The following CYP2C8 variants were observed in gnomAD, a reference collection of about 807,000 sequenced individuals.
The protein encoded by CYP2C8 is cytochrome P450 2C8.
Under a neutral mutation model 41.3 loss-of-function variants are expected in CYP2C8, and 51 were observed. The observed-to-expected ratio is 1.24, with a 90% CI of 0.99 to 1.56. The LOEUF is 1.56. Ranked by LOEUF, CYP2C8 falls within the 40% of genes most tolerant of loss-of-function variation. CYP2C8 has a pLI of 0.00. For missense variants in CYP2C8, 651 were observed against 579.9 expected, an observed-to-expected ratio of 1.12 and a Z score of -1.26; for synonymous variants, 218 against 205.8, an observed-to-expected ratio of 1.06 and a Z score of -0.51.
At chr10:95,065,492 C>T (rs2033542753) in intron 3 of CYP2C8, among the ~76,000 whole-genome samples, 1 of 152,070 alleles carries the variant, frequency 6.6e-6, no homozygotes, top group African/African-American at 2.4e-5. Flanking sequence ...AGAAGAAAAA[C>T]TAATATAAAT....
rs768515016 is a variant in CYP2C8, at chr10:95,058,386, A to G, written c.768T>C (p.Asp256=). Residue 256 remains aspartate (D), a synonymous_variant, in exon 5 of 9, where the codon GAT becomes GAC. Coordinates refer to ENST00000371270, the MANE Select transcript of CYP2C8 (RefSeq NM_000770.3). Reference sequence around the variant, plus strand: ...CGATAAAGTCCCGAGGATTGTTAACATCCAGTGATGCTTGGTGTTCTTTTA... The same window carrying G: ...CGATAAAGTCCCGAGGATTGTTAACGTCCAGTGATGCTTGGTGTTCTTTTA... ...EKVKEHQASL[D]VNNPRDFIDC... The G allele has an allele frequency of 6.2e-7, 1 of 1,613,556 alleles. No homozygotes were observed. The highest frequency in any genetic ancestry group is 1.1e-5 in the South Asian group (1 of 91,074).
chr10:95,055,724 A>G (rs2033303090), intron 5 of CYP2C8, among the ~76,000 whole-genome samples: 1 of 152,210 alleles, frequency 6.6e-6, no homozygotes, highest in South Asian at 2.1e-4. Context: ...CGTATTTAGT[A>G]AGGGTTTAAT....
Position 95,038,926 on chromosome 10 carries a change from T to G in CYP2C8, c.1262A>C (p.Lys421Thr). The G allele has an allele frequency of 6.2e-7, 1 of 1,614,024 alleles. No individual in the cohort carries two copies. Among genetic ancestry groups the G allele is most frequent in the Non-Finnish European group, 8.5e-7 (1 of 1,179,860 alleles). ...HFLDKNGNFK[K>T]SDYFMPFSAG... ...TGAGAAAGGCATGAAGTAGTCACTT[T>G]TCTTAAAGTTGCCATTCTTATCTAG... Residue 421 changes from lysine (K) to threonine (T), a missense_variant, in exon 8 of 9, where the codon AAA becomes ACA. Transcript: ENST00000371270.
At chr10:95,052,507 G>A (rs775393456) in intron 5 of CYP2C8, among the ~76,000 whole-genome samples, 24 of 151,518 alleles carry the variant, frequency 1.6e-4, no homozygotes, top group Non-Finnish European at 2.7e-4. Flanking sequence ...AAAAGTTATA[G>A]GCCAATGTCT....
At chr10:95,049,296 A>T (rs1295046376) in intron 5 of CYP2C8, among the ~76,000 whole-genome samples, 1 of 152,188 alleles carries the variant, frequency 6.6e-6, no homozygotes, top group Non-Finnish European at 1.5e-5. Context: ...CCTTCATAAG[A>T]ACCAAAATCA....
intron 5 of CYP2C8, among the ~76,000 whole-genome samples, chr10:95,052,110 T>C (rs2033224205): frequency 6.6e-6 from 1 of 151,968 alleles, no homozygotes; most frequent in African/African-American, 2.4e-5. Flanking sequence ...AAGTCAGAGA[T>C]GAAAAAGAAG....
intron 5 of CYP2C8, among the ~76,000 whole-genome samples, chr10:95,057,161 G>A (rs973575602): frequency 3.3e-5 from 5 of 152,048 alleles, no homozygotes; most frequent in Non-Finnish European, 4.4e-5. Flanking sequence ...AAATTGACAC[G>A]GCATACTGGT....
chr10:95,063,230 G>C (rs1193987949), intron 4 of CYP2C8, among the ~76,000 whole-genome samples: 1 of 152,216 alleles, frequency 6.6e-6, no homozygotes, highest in Non-Finnish European at 1.5e-5. Flanking sequence ...ACCCTGCAGA[G>C]TGTTTTCCAA....
chr10:95,037,580 A>T (rs967556978), intron 8 of CYP2C8, among the ~76,000 whole-genome samples: 1 of 152,232 alleles, frequency 6.6e-6, no homozygotes, highest in African/African-American at 2.4e-5. Flanking sequence ...TTCATTGATT[A>T]TCAGCTCCAT....
At chr10:95,038,820 G>A (rs1310006800) in intron 8 of CYP2C8, 77 bp downstream of exon 8, 2 of 1,358,404 alleles carry the variant, frequency 1.5e-6, no homozygotes, top group African/African-American at 2.9e-5. Flanking sequence ...CCCCAGAGGA[G>A]GTGCCATGTA....
chr10:95,053,388 C>T (rs190270363), intron 5 of CYP2C8, among the ~76,000 whole-genome samples: 62 of 152,208 alleles, frequency 4.1e-4, no homozygotes, highest in Admixed American at 7.9e-4. Context: ...ACCAGAAATA[C>T]CATTTGACCC....
At chr10:95,068,421 T>G in intron 1 of CYP2C8, 2 of 392,994 alleles carry the variant, frequency 5.1e-6, no homozygotes, top group South Asian at 4.2e-5. Context: ...GGGCCCTGAC[T>G]GATTACTTCT....
chr10:95,064,986 A>C (rs776492781), intron 3 of CYP2C8, 26 bp from the exon 4 acceptor site: 2 of 1,408,824 alleles, frequency 1.4e-6, no homozygotes, highest in Non-Finnish European at 1.9e-6. Flanking sequence ...TTTTTAAAAA[A>C]ATTATTAAAA....
chr10:95,068,202 C>G (rs142272007), intron 1 of CYP2C8, among the ~76,000 whole-genome samples: 1 of 152,342 alleles, frequency 6.6e-6, no homozygotes, highest in African/African-American at 2.4e-5. Context: ...CCCTAGAAAT[C>G]TGTATTTACA....
chr10:95,064,887 T>C lies in CYP2C8; in HGVS notation c.555A>G (p.Lys185=). Residue 185 remains lysine (K), a synonymous_variant, in exon 4 of 9, where the codon AAA becomes AAG. Coordinates refer to ENST00000371270, the MANE Select transcript of CYP2C8 (RefSeq NM_000770.3). Reference sequence around the variant, plus strand: ...AATTCTGATCTTTATAATCAAATCGTTTCTGGAAAACAACGGAGCAGATCA... The same window carrying C: ...AATTCTGATCTTTATAATCAAATCGCTTCTGGAAAACAACGGAGCAGATCA... ...CNVICSVVFQ[K]RFDYKDQNFL... is the part of the protein sequence containing the mutation. The C allele has an allele frequency of 6.2e-7, 1 of 1,613,826 alleles. No individual in the cohort carries two copies. Among genetic ancestry groups the C allele is most frequent in the South Asian group, 1.1e-5 (1 of 91,062 alleles).
At chr10:95,068,180 TC>T (rs2033610000) in intron 1 of CYP2C8, among the ~76,000 whole-genome samples, 1 of 152,220 alleles carries the variant, frequency 6.6e-6, no homozygotes, top group Non-Finnish European at 1.5e-5. Flanking sequence ...GATACAGCAG[TC>T]CTGTGATGAA....
chr10:95,044,751 G>T lies in CYP2C8; in HGVS notation c.961+1059C>A, dbSNP rs757390478. Among the ~76,000 whole-genome samples the T allele has an allele frequency of 3.3e-5, 5 of 152,246 alleles. No homozygotes were observed. In the South Asian group the frequency reaches 8.3e-4, roughly 25 times the overall value. Reference sequence around the variant, plus strand: ...GGAAAAAATCAGGTACCTGATAAAAGGAGTTATGGAGGAAACTTGGGCAGG... The same window carrying T: ...GGAAAAAATCAGGTACCTGATAAAATGAGTTATGGAGGAAACTTGGGCAGG... On this transcript the variant is annotated intron_variant, in intron 6 of 8. Transcript: ENST00000371270.
chr10:95,039,870 G>A (rs952776193), intron 7 of CYP2C8, among the ~76,000 whole-genome samples: 2 of 152,186 alleles, frequency 1.3e-5, no homozygotes, highest in Non-Finnish European at 2.9e-5. Flanking sequence ...GATATTTAAA[G>A]CACCTATGTA....
At position 95,065,265 on chromosome 10, in the gene CYP2C8, C is replaced by T. The variant is rs2033537139; in HGVS notation, c.482-305G>A. Among the ~76,000 whole-genome samples, 6 of 152,112 alleles carry T rather than the reference C, an allele frequency of 3.9e-5. No individual in the cohort carries two copies. The South Asian group carries it at 1.2e-3, about 31-fold the overall frequency. ...AGGAAAAAGAAGACTTTTTTGAAAT[C>T]CTAATAATTCAAGTTTTTAGAGCAG... On this transcript the variant is annotated intron_variant, in intron 3 of 8. Transcript: ENST00000371270.
Sources: gnomAD v4.1 joint callset for allele counts (sites outside exome capture counted in the v4.1 genomes callset) on GRCh38, gnomAD v4.1.1 for gene constraint, MANE v1.5 for transcripts, NCBI Gene and HGNC (gene_info 2026-07-23, HGNC 2026-07-21) for gene names.